The following PPP1R9A variants were observed in gnomAD, a reference collection of about 807,000 sequenced individuals.
The protein encoded by PPP1R9A is protein phosphatase 1 regulatory subunit 9A, also known as neurabin-1.
In PPP1R9A, 59 loss-of-function variants were observed where a neutral mutation model predicts 141.9. The ratio of observed to expected loss-of-function variants is 0.42; its 90% CI spans 0.34 to 0.52. The LOEUF is 0.52. Among genes scored for constraint, PPP1R9A ranks in the 20% least tolerant of loss-of-function variants. The pLI, the probability that PPP1R9A is intolerant of heterozygous loss-of-function variation, is 0.10. For missense variants in PPP1R9A, 1,444 were observed against 1,611.9 expected (o/e 0.90, Z 1.78); for synonymous variants, 500 against 569.7 (o/e 0.88, Z 1.74).
intron 2 of PPP1R9A, among the ~76,000 whole-genome samples, chr7:94,991,088 T>C (rs1233036212): frequency 2.6e-5 from 4 of 152,218 alleles, no homozygotes; most frequent in African/African-American, 9.6e-5. Flanking sequence ...GTTCTATTTG[T>C]AGTTTTTTGA....
At chr7:95,035,107 A>G (rs1808258432) in intron 2 of PPP1R9A, among the ~76,000 whole-genome samples, 2 of 152,168 alleles carry the variant, frequency 1.3e-5, no homozygotes, top group Admixed American at 6.5e-5. Context: ...ATAATGAGAA[A>G]TCTGAAGCAT....
chr7:95,045,540 T>A (rs1226309702), intron 2 of PPP1R9A, among the ~76,000 whole-genome samples: 2 of 152,242 alleles, frequency 1.3e-5, no homozygotes, highest in Non-Finnish European at 2.9e-5. Flanking sequence ...AAGGTCATAC[T>A]CTGCCATTTT....
In PPP1R9A at chr7:95,183,540, T is replaced by A. The variant is rs559224154; in HGVS notation, c.1755-14809T>A. On this transcript the variant is annotated intron_variant, in intron 5 of 19. Coordinates refer to ENST00000433360, the MANE Select transcript of PPP1R9A (RefSeq NM_001166160.2). ...ATCTTGGCTCACTGCAACCTCTGCC[T>A]CCCGGGTTCAAGTGATTCTCCTGCC... Among the ~76,000 whole-genome samples the A allele has an allele frequency of 2.5e-3, 357 of 143,782 alleles. 2 individuals carry two copies. Among genetic ancestry groups the A allele is most frequent in the African/African-American group, 8.8e-3 (340 of 38,750 alleles). 94.3% of individuals were successfully genotyped at this position (143,782 alleles called of 152,430 possible). A position where few individuals can be genotyped will look rare whatever the true frequency, so the allele number is the denominator to read the frequency against.
chr7:95,107,629 G>A (rs1353199138), intron 2 of PPP1R9A, among the ~76,000 whole-genome samples: 1 of 151,962 alleles, frequency 6.6e-6, no homozygotes, highest in African/African-American at 2.4e-5. Context: ...AATAGAAAAG[G>A]AGTGGAACAG....
intron 2 of PPP1R9A, chr7:95,035,619 C>A (rs945910373): frequency 1.3e-5 from 2 of 152,012 alleles, no homozygotes; most frequent in African/African-American, 2.4e-5. Context: ...TTTAAAAGTT[C>A]TTTTGGTCCA....
intron 2 of PPP1R9A, among the ~76,000 whole-genome samples, chr7:95,006,223 T>C (rs1399931027): frequency 6.6e-6 from 1 of 151,490 alleles, no homozygotes; most frequent in East Asian, 1.9e-4. Context: ...TTTATTTATT[T>C]ATTTATTTAT....
chr7:95,198,257 TG>T, intron 5 of PPP1R9A, 91 bp from the exon 6 acceptor site: 1 of 1,209,844 alleles, frequency 8.3e-7, no homozygotes. Flanking sequence ...TGAGGCTTGA[TG>T]GACCCTGCTG....
intron 12 of PPP1R9A, among the ~76,000 whole-genome samples, chr7:95,262,401 T>G (rs1487660397): frequency 6.6e-6 from 1 of 152,188 alleles, no homozygotes; most frequent in Admixed American, 6.5e-5. Context: ...CCTGAGATAT[T>G]TAAATGCCTT....
At chr7:95,252,575 C>A (rs1166793762) in intron 12 of PPP1R9A, among the ~76,000 whole-genome samples, 2 of 147,000 alleles carry the variant, frequency 1.4e-5, no homozygotes, top group African/African-American at 5.1e-5. Context: ...TCAAGCGATT[C>A]TCATGCCTCA....
At chr7:95,130,814 G>A (rs1051220166) in intron 4 of PPP1R9A, among the ~76,000 whole-genome samples, 3 of 152,278 alleles carry the variant, frequency 2.0e-5, no homozygotes, top group Non-Finnish European at 2.9e-5. Context: ...TTTGAGACTT[G>A]CATGGGGACT....
intron 2 of PPP1R9A, among the ~76,000 whole-genome samples, chr7:95,105,897 T>G (rs1819442568): frequency 6.6e-6 from 1 of 152,048 alleles, no homozygotes; most frequent in Non-Finnish European, 1.5e-5. Context: ...TAATACTAAG[T>G]CAGTTATGCA....
intron 8 of PPP1R9A, among the ~76,000 whole-genome samples, chr7:95,236,554 T>C (rs1353027615): frequency 6.6e-6 from 1 of 151,688 alleles, no homozygotes; most frequent in Non-Finnish European, 1.5e-5. Flanking sequence ...AGTATTGAAG[T>C]ATTTTATATT....
At chr7:95,205,300 G>A (rs1011218254) in intron 7 of PPP1R9A, among the ~76,000 whole-genome samples, 1 of 152,088 alleles carries the variant, frequency 6.6e-6, no homozygotes, top group Non-Finnish European at 1.5e-5. Flanking sequence ...TTACTCATGA[G>A]CTAGATACGA....
At chr7:94,976,222 A>G (rs1462531889) in intron 2 of PPP1R9A, among the ~76,000 whole-genome samples, 1 of 152,202 alleles carries the variant, frequency 6.6e-6, no homozygotes, top group East Asian at 1.9e-4. Flanking sequence ...TAAAATACCT[A>G]CTAAATTATT....
At chr7:95,210,934 G>A (rs1673090252) in intron 7 of PPP1R9A, among the ~76,000 whole-genome samples, 1 of 152,014 alleles carries the variant, frequency 6.6e-6, no homozygotes, top group Non-Finnish European at 1.5e-5. Flanking sequence ...ACTCATAAGT[G>A]TGAGTGGATC....
intron 2 of PPP1R9A, among the ~76,000 whole-genome samples, chr7:95,082,349 T>C (rs1024818488): frequency 5.3e-5 from 8 of 150,362 alleles, no homozygotes; most frequent in Admixed American, 5.3e-4. Flanking sequence ...GGAAAATACC[T>C]AAGAAGGCCC....
chr7:95,212,683 T>G (rs1792386315), intron 7 of PPP1R9A, among the ~76,000 whole-genome samples: 1 of 152,160 alleles, frequency 6.6e-6, no homozygotes, highest in Admixed American at 6.5e-5. Context: ...GACAGTAGAA[T>G]TGCTCTAACC....
At chr7:95,003,249 C>G (rs1803184980) in intron 2 of PPP1R9A, among the ~76,000 whole-genome samples, 1 of 152,108 alleles carries the variant, frequency 6.6e-6, no homozygotes, top group Non-Finnish European at 1.5e-5. Context: ...TTAGGAAAAA[C>G]TTGAATAATT....
chr7:95,224,248 T>G (rs946412802), intron 7 of PPP1R9A, among the ~76,000 whole-genome samples: 1 of 152,130 alleles, frequency 6.6e-6, no homozygotes, highest in Non-Finnish European at 1.5e-5. Flanking sequence ...ACCAACCTCT[T>G]TTCCTTTCAG....
Sources: gnomAD v4.1 joint callset for allele counts (sites outside exome capture counted in the v4.1 genomes callset) on GRCh38, gnomAD v4.1.1 for gene constraint, MANE v1.5 for transcripts, NCBI Gene and HGNC (gene_info 2026-07-23, HGNC 2026-07-21) for gene names.